TENM3: variants seen among roughly 807,000 people sequenced by gnomAD.
TENM3 encodes teneurin transmembrane protein 3, also known as teneurin-3.
TENM3 carries 63 observed loss-of-function variants against 255.1 expected under a neutral mutation model. The ratio of observed to expected loss-of-function variants is 0.25; its 90% CI spans 0.20 to 0.30. The LOEUF (loss-of-function observed/expected upper bound fraction) is 0.30, where lower values mean the gene tolerates loss of function less well. TENM3 is among the 10% of genes least tolerant of loss of function. TENM3 has a pLI of 1.00. For synonymous variants in TENM3, 1,306 were observed against 1,322.3 expected, an observed-to-expected ratio of 0.99 and a Z score of 0.27; for missense variants, 2,929 against 3,461.1, an observed-to-expected ratio of 0.85 and a Z score of 3.86.
chr4:182,318,405 A>G (rs1417453010), intron 1 of TENM3, among the ~76,000 whole-genome samples: 1 of 152,216 alleles, frequency 6.6e-6, no homozygotes, highest in African/African-American at 2.4e-5. Context: ...GTATTTCATC[A>G]GGATTAGGAA....
intron 6 of TENM3, among the ~76,000 whole-genome samples, chr4:182,661,908 A>G (rs987507994): frequency 1.2e-4 from 19 of 152,198 alleles, no homozygotes; most frequent in African/African-American, 4.3e-4. Context: ...CTCACATCAT[A>G]GGCAGGTGGC....
the TENM3 span, among the ~76,000 whole-genome samples, chr4:181,958,624 A>C: frequency 6.6e-6 from 1 of 152,142 alleles, no homozygotes; most frequent in African/African-American, 2.4e-5. Context: ...TAGGCTGGAA[A>C]CTGCTTCACA....
the TENM3 span, among the ~76,000 whole-genome samples, chr4:181,855,513 A>G: frequency 1.3e-5 from 2 of 152,192 alleles, no homozygotes; most frequent in African/African-American, 4.8e-5. Context: ...TATTTTTGGT[A>G]ACTCTCAGAA....
chr4:182,301,474 G>A lies in TENM3; in HGVS notation c.-75-22472G>A, dbSNP rs188211330. On this transcript the variant is annotated intron_variant, in intron 1 of 27. Transcript: ENST00000511685. ...GATGAGATTTAGAACAGAGGCTGAA[G>A]TTAATTGAGGTTAGCAAGAAAAATA... 6.3e-4 allele frequency among the ~76,000 whole-genome samples: 96 copies of A among 152,274 alleles called. 1 individual carries two copies. The highest frequency in any genetic ancestry group is 2.1e-3 in the African/African-American group (87 of 41,556).
the TENM3 span, among the ~76,000 whole-genome samples, chr4:181,470,042 G>A: frequency 6.8e-6 from 1 of 147,074 alleles, no homozygotes; most frequent in Non-Finnish European, 1.5e-5. Flanking sequence ...ACATGTGACT[G>A]TGTCTTCTCT....
the TENM3 span, among the ~76,000 whole-genome samples, chr4:182,031,882 G>T: frequency 0.013 from 1,968 of 152,082 alleles, 46 homozygotes; most frequent in African/African-American, 0.044. Context: ...GGAATGCTTG[G>T]GATTTTTGCA....
the TENM3 span, among the ~76,000 whole-genome samples, chr4:181,497,419 G>T: frequency 0.092 from 13,930 of 152,032 alleles, 772 homozygotes; most frequent in South Asian, 0.2. Flanking sequence ...TTTTGTTCCA[G>T]TGGTAATTGG....
intron 4 of TENM3, among the ~76,000 whole-genome samples, chr4:182,612,141 G>A (rs368603279): frequency 5.9e-5 from 9 of 151,950 alleles, no homozygotes; most frequent in South Asian, 2.1e-4. Context: ...GCGTGGTGGC[G>A]GATGCCTGTA....
chr4:182,021,223 G>T, the TENM3 span, among the ~76,000 whole-genome samples: 1 of 152,112 alleles, frequency 6.6e-6, no homozygotes, highest in Non-Finnish European at 1.5e-5. Context: ...CATCCATGTG[G>T]CTGTAAAGGA....
intron 3 of TENM3, among the ~76,000 whole-genome samples, chr4:182,449,666 T>A (rs1773287724): frequency 6.6e-6 from 1 of 152,202 alleles, no homozygotes; most frequent in African/African-American, 2.4e-5. Flanking sequence ...AAATCCATCA[T>A]ACTAATTGCT....
At chr4:182,256,119 A>G (rs927043434) in intron 1 of TENM3, among the ~76,000 whole-genome samples, 1 of 152,200 alleles carries the variant, frequency 6.6e-6, no homozygotes, top group Admixed American at 6.5e-5. Context: ...CAAAATGATG[A>G]TGTTCTTCAC....
the TENM3 span, among the ~76,000 whole-genome samples, chr4:181,881,867 C>G: frequency 0.023 from 3,554 of 152,246 alleles, 48 homozygotes; most frequent in South Asian, 0.028. Context: ...GCATCTAGAC[C>G]ATAAAAATCT....
chr4:181,520,410 C>CGT, the TENM3 span, among the ~76,000 whole-genome samples: 2 of 151,718 alleles, frequency 1.3e-5, no homozygotes, highest in Non-Finnish European at 1.5e-5. Flanking sequence ...GGGGTACCTG[C>CGT]GTGTGTGTGT....
intron 1 of TENM3, among the ~76,000 whole-genome samples, chr4:182,206,164 C>T (rs568860885): frequency 6.6e-6 from 1 of 152,258 alleles, no homozygotes. Context: ...CCTCGGAAAA[C>T]AGAATAGAAT....
chr4:182,773,358 G>A (rs577029306), intron 22 of TENM3, 114 bp from the exon 23 acceptor site: 42 of 954,708 alleles, frequency 4.4e-5, no homozygotes, highest in South Asian at 3.5e-4. Flanking sequence ...GCTCATCCAC[G>A]AAGACAAATA....
At chr4:182,705,852 T>C (rs1758241526) in intron 12 of TENM3, among the ~76,000 whole-genome samples, 1 of 152,188 alleles carries the variant, frequency 6.6e-6, no homozygotes. Context: ...AACTTACTTG[T>C]TTTTATTTTT....
chr4:181,452,622 A>C, the TENM3 span, among the ~76,000 whole-genome samples: 1 of 152,316 alleles, frequency 6.6e-6, no homozygotes, highest in South Asian at 2.1e-4. Context: ...TGCATCAATT[A>C]AACATCTTTC....
At chr4:181,538,255 C>G in the TENM3 span, among the ~76,000 whole-genome samples, 1 of 152,126 alleles carries the variant, frequency 6.6e-6, no homozygotes. Context: ...ACAATACGAT[C>G]GGTACTTGGC....
chr4:182,027,433 ACTT>A, the TENM3 span, among the ~76,000 whole-genome samples: 1 of 151,992 alleles, frequency 6.6e-6, no homozygotes, highest in African/African-American at 2.4e-5. Flanking sequence ...GGATAATTTG[ACTT>A]CTTCTTTCCA....
Sources: allele counts gnomAD v4.1 joint callset (sites outside exome capture counted in the v4.1 genomes callset), GRCh38; gene constraint gnomAD v4.1.1; transcripts MANE v1.5; gene names NCBI Gene and HGNC (gene_info 2026-07-23, HGNC 2026-07-21).